Variants in NLGN1 observed in about 807,000 individuals in gnomAD.
NLGN1 encodes the protein neuroligin-1.
In NLGN1, 12 loss-of-function variants were observed where a neutral mutation model predicts 65.5. That is an observed-to-expected ratio of 0.18 (90% confidence interval 0.12 to 0.30). The LOEUF (loss-of-function observed/expected upper bound fraction) is 0.30. Ranked by LOEUF, NLGN1 falls within the 10% of genes least tolerant of loss-of-function variation. The pLI is 1.00. For synonymous variants in NLGN1, 350 were observed against 359.5 expected (o/e 0.97, Z 0.30); for missense variants, 750 against 1,007.1 (o/e 0.74, Z 3.46).
upstream of NLGN1, chr3:173,397,781 A>G (rs1385757176): frequency 6.6e-6 from 1 of 152,102 alleles, no homozygotes; most frequent in Non-Finnish European, 1.5e-5. Context: ...GGCGGCGCGG[A>G]GAGCGCGCCC....
chr3:174,099,037 A>G (rs1711770457), intron 4 of NLGN1, among the ~76,000 whole-genome samples: 2 of 152,226 alleles, frequency 1.3e-5, no homozygotes. Flanking sequence ...AAATTCTCAT[A>G]GTCATAGTGA....
At chr3:174,147,411 G>A (rs1376035847) in intron 4 of NLGN1, among the ~76,000 whole-genome samples, 2 of 135,504 alleles carry the variant, frequency 1.5e-5, no homozygotes, top group African/African-American at 2.9e-5. Flanking sequence ...TTGTGTAATG[G>A]CTCATGGCTT....
intron 4 of NLGN1, among the ~76,000 whole-genome samples, chr3:173,942,109 G>GGGGT (rs1191002397): frequency 1.9e-4 from 28 of 144,140 alleles, no homozygotes; most frequent in Admixed American, 1.8e-3. Flanking sequence ...GGTGGTTGGG[G>GGGGT]GTGTGTGTGT....
At chr3:173,942,223 T>G (rs993386825) in intron 4 of NLGN1, among the ~76,000 whole-genome samples, 32 of 151,948 alleles carry the variant, frequency 2.1e-4, no homozygotes, top group Admixed American at 1.2e-3. Flanking sequence ...AGTGAAGCAC[T>G]GCCTATATTC....
intron 3 of NLGN1, among the ~76,000 whole-genome samples, chr3:173,625,972 T>A (rs1251310624): frequency 6.6e-6 from 1 of 152,076 alleles, no homozygotes; most frequent in African/African-American, 2.4e-5. Context: ...TAAATACAGC[T>A]TTGGTAATTG....
At chr3:174,142,189 T>A (rs879381854) in intron 4 of NLGN1, among the ~76,000 whole-genome samples, 1 of 152,254 alleles carries the variant, frequency 6.6e-6, no homozygotes, top group Non-Finnish European at 1.5e-5. Context: ...TACTCTTGTT[T>A]AATAACTGCC....
intron 2 of NLGN1, among the ~76,000 whole-genome samples, chr3:173,505,189 T>A (rs1335756808): frequency 2.0e-5 from 3 of 152,046 alleles, no homozygotes; most frequent in Non-Finnish European, 4.4e-5. Context: ...AACTTTTTCA[T>A]CTTCTTTATT....
intron 1 of NLGN1, among the ~76,000 whole-genome samples, chr3:173,407,989 C>T (rs1353737149): frequency 6.6e-6 from 1 of 152,134 alleles, no homozygotes; most frequent in East Asian, 1.9e-4. Context: ...CTGAGAATGT[C>T]TGTTTGTGAC....
chr3:173,492,928 G>A (rs954279589), intron 2 of NLGN1, among the ~76,000 whole-genome samples: 2 of 151,622 alleles, frequency 1.3e-5, no homozygotes, highest in African/African-American at 4.9e-5. Context: ...AGGAATCCTG[G>A]GTAGAAGGAA....
intron 3 of NLGN1, among the ~76,000 whole-genome samples, chr3:173,775,722 A>G (rs945802461): frequency 6.6e-6 from 1 of 152,190 alleles, no homozygotes; most frequent in Non-Finnish European, 1.5e-5. Context: ...AAGAATGGAC[A>G]TGGAAGTAGT....
intron 4 of NLGN1, among the ~76,000 whole-genome samples, chr3:174,197,846 A>G (rs1400267837): frequency 6.6e-6 from 1 of 151,956 alleles, no homozygotes; most frequent in Non-Finnish European, 1.5e-5. Flanking sequence ...ATTTCTGATT[A>G]TAACAGTAAC....
Position 174,271,340 on chromosome 3 carries a change from T to G in NLGN1, c.647-3975T>G, listed in dbSNP as rs559969641. On this transcript the variant is annotated intron_variant, in intron 4 of 6. Coordinates refer to ENST00000457714, the Ensembl canonical transcript of NLGN1. ...CATTCTAAAGATATTTGTACATGCT[T>G]GTTTGATTGTATTGTAAGAGACCTA... Among the ~76,000 whole-genome samples the G allele has an allele frequency of 5.3e-5, 8 of 151,746 alleles. No homozygotes were observed. In the South Asian group the frequency reaches 1.7e-3, roughly 31 times the overall value.
downstream of NLGN1, among the ~76,000 whole-genome samples, chr3:174,290,752 A>G (rs914044544): frequency 6.6e-6 from 1 of 151,090 alleles, no homozygotes; most frequent in Non-Finnish European, 1.5e-5. Flanking sequence ...GAGCTGATTA[A>G]ATACTGGGAA....
chr3:173,408,075 GTTTTT>G (rs202156418), intron 1 of NLGN1, among the ~76,000 whole-genome samples: 11 of 151,682 alleles, frequency 7.3e-5, no homozygotes, highest in Non-Finnish European at 1.6e-4. Flanking sequence ...TATCATTTTT[GTTTTT>G]TTTGAGACAG....
At chr3:174,285,710 GAT>G (rs1293139083) in exon 7 of NLGN1, 1 of 151,430 alleles carries the variant, frequency 6.6e-6, no homozygotes, top group Non-Finnish European at 1.5e-5. Context: ...AATTCCATTT[GAT>G]AAGGGTTGTG....
chr3:173,723,771 C>T (rs1771272421), intron 3 of NLGN1, among the ~76,000 whole-genome samples: 1 of 152,082 alleles, frequency 6.6e-6, no homozygotes, highest in African/African-American at 2.4e-5. Flanking sequence ...ATTACTTTTA[C>T]TGCCATGAAA....
At chr3:173,791,222 C>T (rs898665339) in intron 3 of NLGN1, among the ~76,000 whole-genome samples, 2 of 152,144 alleles carry the variant, frequency 1.3e-5, no homozygotes, top group Non-Finnish European at 1.5e-5. Context: ...GCAACTTGGA[C>T]GCTTGAGTAG....
At chr3:174,086,777 C>A (rs1743489181) in intron 4 of NLGN1, among the ~76,000 whole-genome samples, 1 of 151,648 alleles carries the variant, frequency 6.6e-6, no homozygotes, top group Non-Finnish European at 1.5e-5. Context: ...TAATATGTAA[C>A]ATTTATTTTT....
chr3:173,890,980 A>T (rs1735230180), intron 4 of NLGN1, among the ~76,000 whole-genome samples: 3 of 152,194 alleles, frequency 2.0e-5, no homozygotes. Context: ...TCTTGAAGGG[A>T]ATAATGTATG....
Sources: gnomAD v4.1 joint callset for allele counts (sites outside exome capture counted in the v4.1 genomes callset) on GRCh38, gnomAD v4.1.1 for gene constraint, MANE v1.5 for transcripts, NCBI Gene and HGNC (gene_info 2026-07-23, HGNC 2026-07-21) for gene names.